The following NSUN6 variants were observed in gnomAD, a reference collection of about 807,000 sequenced individuals.
NSUN6 encodes the protein NOP2/Sun RNA methyltransferase 6, also known as tRNA (cytosine(72)-C(5))-methyltransferase NSUN6.
Under a neutral mutation model 58.0 loss-of-function variants are expected in NSUN6, and 64 were observed. That is an observed-to-expected ratio of 1.10 (90% CI 0.90 to 1.36). The LOEUF is 1.36. NSUN6 is among the 40% of genes most tolerant of loss of function. The pLI is 0.00. For synonymous variants in NSUN6, 231 were observed against 193.9 expected, an observed-to-expected ratio of 1.19 and a Z score of -1.59; for missense variants, 701 against 550.1, an observed-to-expected ratio of 1.27 and a Z score of -2.74.
rs535943582 is a variant in NSUN6 at position 18,625,395 on chromosome 10, G to A, written c.312-9102C>T. 9.2e-5 allele frequency among the ~76,000 whole-genome samples: 14 copies of A among 152,200 alleles called. No individual in the cohort carries two copies. The South Asian group carries it at 2.3e-3, about 25-fold the overall frequency. The stretch of plus-strand genomic sequence containing the variant: ...AATGGAAGACCTATATAACTGAAAA[G>A]CTACACTGTGTCTCATCAAAAGCTA... On this transcript the variant is annotated intron_variant, in intron 3 of 10. Transcript: ENST00000377304.
At chr10:18,617,001 C>T (rs996870286) in intron 3 of NSUN6, among the ~76,000 whole-genome samples, 1 of 152,028 alleles carries the variant, frequency 6.6e-6, no homozygotes, top group Non-Finnish European at 1.5e-5. Context: ...GCTTTATACC[C>T]ACTCTTTCCT....
intron 3 of NSUN6, among the ~76,000 whole-genome samples, chr10:18,639,468 G>A (rs929215168): frequency 3.2e-4 from 48 of 151,964 alleles, no homozygotes; most frequent in African/African-American, 8.9e-4. Context: ...CACTCCAGCC[G>A]GGGTGACAGA....
At position 18,614,620 on chromosome 10, in the gene NSUN6, A is replaced by T. The variant is rs1590070352; in HGVS notation, c.422-7T>A. ...ACATCTCCAGCTTTCATAACTAGAG[A>T]AAGAAGAAAATCAGATTACACTGAT... On this transcript the variant is annotated splice_polypyrimidine_tract_variant and splice_region_variant and intron_variant, in intron 4 of 10. Coordinates refer to ENST00000377304, the MANE Select transcript of NSUN6 (RefSeq NM_182543.5). 7.5e-7 allele frequency: 1 copy of T among 1,338,776 alleles called. No individual in the cohort carries two copies. Among genetic ancestry groups the T allele is most frequent in the Non-Finnish European group, 1.0e-6 (1 of 999,592 alleles). The allele number at this position is 1,338,776 out of a possible 1,614,324, so 82.9% of individuals were successfully genotyped here.
intron 6 of NSUN6, among the ~76,000 whole-genome samples, chr10:18,605,123 A>G (rs1272740067): frequency 6.6e-6 from 1 of 150,950 alleles, no homozygotes; most frequent in Non-Finnish European, 1.5e-5. Context: ...CTGACCTCGT[A>G]ATCCGCCCGT....
chr10:18,614,035 T>G (rs2058326597), intron 5 of NSUN6, among the ~76,000 whole-genome samples: 1 of 152,118 alleles, frequency 6.6e-6, no homozygotes. Flanking sequence ...TTCATGTGAG[T>G]GCTAGGTTTC....
rs773040522 is a variant in NSUN6 at position 18,596,302 on chromosome 10, T to C, written c.683A>G (p.His228Arg). Residue 228 changes from histidine to arginine, a missense_variant, in exon 7 of 11, where the codon CAT becomes CGT. By Grantham distance (29) the His-to-Arg change is conservative. Coordinates refer to ENST00000377304, the MANE Select transcript of NSUN6 (RefSeq NM_182543.5). ...LQNLPSALVS[H>R]VLNPQPGEKI... ...CTCTCCAGGTTGAGGATTTAGTACA[T>C]GACTTACTAAGGCAGATGGCAAATT... The C allele has an allele frequency of 3.1e-6, 5 of 1,591,924 alleles. No homozygotes were observed. Among genetic ancestry groups the C allele is most frequent in the African/African-American group, 2.7e-5 (2 of 74,502 alleles).
At chr10:18,572,838 CCATTCCATTCCTTTCTGCATTT>C (rs1335798764) in intron 8 of NSUN6, among the ~76,000 whole-genome samples, 4 of 151,570 alleles carry the variant, frequency 2.6e-5, no homozygotes, top group East Asian at 2.0e-4. Flanking sequence ...ATTCTCCATT[CCATTCCATTCCTTTCTGCATTT>C]CATTCCATTC....
At chr10:18,588,920 T>C (rs550172855) in intron 7 of NSUN6, among the ~76,000 whole-genome samples, 1 of 152,274 alleles carries the variant, frequency 6.6e-6, no homozygotes, top group African/African-American at 2.4e-5. Flanking sequence ...GGAATGAGAC[T>C]GACAAACTGA....
chr10:18,633,587 C>A (rs1214288014), intron 3 of NSUN6, among the ~76,000 whole-genome samples: 10 of 151,986 alleles, frequency 6.6e-5, no homozygotes, highest in African/African-American at 2.4e-4. Context: ...AGGACAGGCT[C>A]CTGGAGGCCT....
intron 6 of NSUN6, among the ~76,000 whole-genome samples, chr10:18,608,172 A>G (rs1386547798): frequency 6.6e-6 from 1 of 152,242 alleles, no homozygotes; most frequent in African/African-American, 2.4e-5. Context: ...ATTCAGTGAC[A>G]AAGAATATGG....
upstream of NSUN6, chr10:18,651,718 T>TTACGC (rs987241227): frequency 4.1e-6 from 4 of 985,552 alleles, no homozygotes; most frequent in Admixed American, 6.1e-5. Flanking sequence ...CAACACTGCG[T>TTACGC]TACGCTACGC....
chr10:18,595,870 G>C (rs1317725264), intron 7 of NSUN6, among the ~76,000 whole-genome samples: 1 of 152,046 alleles, frequency 6.6e-6, no homozygotes, highest in Admixed American at 6.6e-5. Flanking sequence ...AATATACTGT[G>C]AAATTAGTTT....
intron 8 of NSUN6, among the ~76,000 whole-genome samples, chr10:18,566,418 T>C (rs1423438129): frequency 6.6e-6 from 1 of 150,954 alleles, no homozygotes; most frequent in Non-Finnish European, 1.5e-5. Context: ...TTCTATTCCA[T>C]TCCACAATCC....
At chr10:18,581,199 G>T (rs1264829684) in intron 8 of NSUN6, among the ~76,000 whole-genome samples, 4 of 152,128 alleles carry the variant, frequency 2.6e-5, no homozygotes, top group African/African-American at 9.7e-5. Flanking sequence ...TTGAATGGGG[G>T]CTGGGTAAAA....
chr10:18,559,831 G>C (rs1300546096), intron 8 of NSUN6, among the ~76,000 whole-genome samples: 1 of 150,882 alleles, frequency 6.6e-6, no homozygotes, highest in African/African-American at 2.4e-5. Flanking sequence ...GAATGGAATG[G>C]AGAAAGGAAT....
chr10:18,550,429 CATT>C (rs927751432), intron 9 of NSUN6, among the ~76,000 whole-genome samples: 14 of 152,276 alleles, frequency 9.2e-5, no homozygotes, highest in African/African-American at 3.4e-4. Context: ...GAAACTAAAT[CATT>C]ATAGAACATC....
intron 3 of NSUN6, among the ~76,000 whole-genome samples, chr10:18,617,595 C>A (rs1480069045): frequency 6.6e-6 from 1 of 152,194 alleles, no homozygotes; most frequent in Non-Finnish European, 1.5e-5. Flanking sequence ...TTCCCTCATC[C>A]ATTCCTCCAC....
rs1282601497 is a variant in NSUN6 at position 18,561,738 on chromosome 10, A to G, written c.923-9767T>C. ...AATGGAGAAAGGAATAGAATATGGA[A>G]TAGAATGGAGAAAGGAATAGAATAT... On this transcript the variant is annotated intron_variant, in intron 8 of 10. Transcript: ENST00000377304. Among the ~76,000 whole-genome samples the G allele has an allele frequency of 1.4e-3, 208 of 149,114 alleles. 2 individuals are homozygous for G. Among genetic ancestry groups the G allele is most frequent in the African/African-American group, 5.1e-3 (198 of 39,038 alleles).
chr10:18,589,670 C>T (rs1176452729), intron 7 of NSUN6, among the ~76,000 whole-genome samples: 2 of 152,206 alleles, frequency 1.3e-5, no homozygotes, highest in East Asian at 3.9e-4. Context: ...GCTCCATAAG[C>T]AAAGGAGAAA....
Sources: allele counts gnomAD v4.1 joint callset (sites outside exome capture counted in the v4.1 genomes callset), GRCh38; gene constraint gnomAD v4.1.1; transcripts MANE v1.5; gene names NCBI Gene and HGNC (gene_info 2026-07-23, HGNC 2026-07-21).